The following RAB4B variants were observed in gnomAD, a reference collection of about 807,000 sequenced individuals.
The protein encoded by RAB4B is RAB4B, member RAS oncogene family.
A neutral mutation model predicts 28.3 loss-of-function variants in RAB4B; 15 were observed. That is an observed-to-expected ratio of 0.53 (90% CI 0.35 to 0.82). The LOEUF (loss-of-function observed/expected upper bound fraction) is 0.82, where lower values mean the gene tolerates loss of function less well. Among genes scored for constraint, RAB4B ranks in the 40% least tolerant of loss-of-function variants. The pLI, the probability that RAB4B is intolerant of heterozygous loss-of-function variation, is 0.01. For missense variants in RAB4B, 244 were observed against 288.5 expected (o/e 0.85, Z 1.12); for synonymous variants, 108 against 116.3 (o/e 0.93, Z 0.46).
At position 40,783,961 on chromosome 19, in the gene RAB4B, G is replaced by GC; in HGVS notation, c.319dup (p.Arg107ProfsTer22). On this transcript the variant is annotated frameshift_variant, in exon 5 of 8. Transcript: ENST00000357052. LOFTEE classifies it high-confidence loss of function. ...CTCACTGGCTGCCTGGCTGACGGAT[G>GC]CCCGCACCCTGGCCAGCCCCAACAT... is the stretch of plus-strand genomic sequence containing the variant. The GC allele has an allele frequency of 6.2e-7, 1 of 1,613,716 alleles. No homozygotes were observed.
chr19:40,786,416 T>C, intron 5 of RAB4B: 2 of 484,220 alleles, frequency 4.1e-6, no homozygotes, highest in Non-Finnish European at 7.4e-6. Context: ...AGTCGGTACC[T>C]GACTCAGCCC....
In RAB4B at chr19:40,788,154, C is replaced by T. The variant is rs547151948; in HGVS notation, c.*15+1176C>T. Among the ~76,000 whole-genome samples the T allele has an allele frequency of 3.3e-5, 5 of 151,948 alleles. No homozygotes were observed. In the East Asian group the frequency reaches 9.7e-4, roughly 29 times the overall value. On this transcript the variant is annotated intron_variant, in intron 7 of 7. Coordinates refer to ENST00000357052, the MANE Select transcript of RAB4B (RefSeq NM_016154.5). ...TATGGCAGGGAGTACAACAGACTCC[C>T]ATCCTCATGGTGCTGACATTCTCTT...
At chr19:40,785,596 A>G (rs1281663190) in intron 5 of RAB4B, 1 of 152,208 alleles carries the variant, frequency 6.6e-6, no homozygotes, top group African/African-American at 2.4e-5. Context: ...GTGGCTTGAG[A>G]TCTGCCTGTG....
At chr19:40,780,874 G>A (rs2083040093) in intron 3 of RAB4B, among the ~76,000 whole-genome samples, 1 of 151,844 alleles carries the variant, frequency 6.6e-6, no homozygotes. Flanking sequence ...AAGGGATGGA[G>A]ACTGAGAGAC....
At chr19:40,793,867 T>C (rs1035732910) in intron 7 of RAB4B, among the ~76,000 whole-genome samples, 3 of 151,708 alleles carry the variant, frequency 2.0e-5, no homozygotes, top group Non-Finnish European at 4.4e-5. Flanking sequence ...GAGGTTTTAG[T>C]GAGCCGAGAT....
chr19:40,788,753 AT>A (rs1212640840), intron 7 of RAB4B, among the ~76,000 whole-genome samples: 3 of 135,394 alleles, frequency 2.2e-5, no homozygotes, highest in East Asian at 4.2e-4. Context: ...TGCCTGGCTA[AT>A]TTTTTTTAAT....
At chr19:40,790,313 T>C (rs150332613) in intron 7 of RAB4B, among the ~76,000 whole-genome samples, 3 of 150,438 alleles carry the variant, frequency 2.0e-5, no homozygotes, top group Non-Finnish European at 4.4e-5. Context: ...ATAGGGTTCA[T>C]GTCCTCCCTA....
rs576567432 is a variant in RAB4B at position 40,780,562 on chromosome 19, G to A, written c.212+63G>A. The stretch of plus-strand genomic sequence containing the variant: ...GAGTGAGAAGGAAAGAGAGAGATGT[G>A]TGTGTAGAGTCACTTGGAGACACTG... On this transcript the variant is annotated intron_variant, in intron 3 of 7. Transcript: ENST00000357052. 32 of 1,391,284 alleles carry A rather than the reference G, an allele frequency of 2.3e-5. No individual in the cohort carries two copies. In the East Asian group the frequency reaches 7.7e-4, roughly 34 times the overall value. 86.2% of individuals were successfully genotyped at this position (1,391,284 alleles called of 1,614,324 possible).
intron 7 of RAB4B, among the ~76,000 whole-genome samples, chr19:40,789,048 G>T (rs1335169322): frequency 6.6e-6 from 1 of 151,738 alleles, no homozygotes; most frequent in East Asian, 1.9e-4. Context: ...TCAAAGTGCC[G>T]GGATTACAGT....
intron 5 of RAB4B, chr19:40,786,113 C>T (rs1318494395): frequency 6.2e-5 from 10 of 161,920 alleles, no homozygotes; most frequent in Non-Finnish European, 1.3e-4. Context: ...GGATGGGGGG[C>T]CCAGGTAGAG....
chr19:40,795,680 C>T (rs929024971), intron 7 of RAB4B, among the ~76,000 whole-genome samples: 2 of 151,656 alleles, frequency 1.3e-5, no homozygotes, highest in Admixed American at 6.6e-5. Flanking sequence ...CAGGCGTGAG[C>T]CACCGTGCCT....
rs1008505063 is a variant in RAB4B at position 40,786,587 on chromosome 19, A to C, written c.431-78A>C. The C allele has an allele frequency of 7.6e-6, 12 of 1,587,434 alleles. No individual in the cohort carries two copies. In the African/African-American group the frequency reaches 1.6e-4, roughly 21 times the overall value. On this transcript the variant is annotated intron_variant, in intron 5 of 7. Transcript: ENST00000357052. ...GGGGATGGAACATTGGAGGAACAGG[A>C]TGAGAGTCAGCAGGTGAGAGCTCAG...
chr19:40,780,214 G>A, intron 2 of RAB4B, 115 bp downstream of exon 2: 1 of 1,504,868 alleles, frequency 6.6e-7, no homozygotes, highest in African/African-American at 1.4e-5. Context: ...TCCAGTGCTG[G>A]CTTTTTGGTC....
At chr19:40,787,635 G>C (rs927660640) in intron 7 of RAB4B, among the ~76,000 whole-genome samples, 1 of 151,540 alleles carries the variant, frequency 6.6e-6, no homozygotes, top group African/African-American at 2.4e-5. Context: ...CAGGGCCAGG[G>C]TCAGGGCACA....
intron 5 of RAB4B, among the ~76,000 whole-genome samples, chr19:40,785,363 A>AG: frequency 6.8e-6 from 1 of 147,994 alleles, no homozygotes; most frequent in African/African-American, 2.5e-5. Flanking sequence ...AAAAAAAAAA[A>AG]GCCTGGGTGT....
chr19:40,784,067 A>G lies in RAB4B; in HGVS notation c.422A>G (p.Gln141Arg). 6.2e-7 allele frequency: 1 copy of G among 1,611,190 alleles called. No homozygotes were observed. The highest frequency in any genetic ancestry group is 8.5e-7 in the Non-Finnish European group (1 of 1,177,890). The change falls in exon 5 of 8, where the codon CAG (glutamine) becomes CGG (arginine). Residue 141 changes from glutamine to arginine, a missense_variant. Coordinates refer to ENST00000357052, the MANE Select transcript of RAB4B (RefSeq NM_016154.5). Reference sequence around the variant, plus strand: ...TTCCTGGAGGCCTCCCGCTTTGCCCAGGAGAATGGTGAGGGCTGTGTCGTG... The same window carrying G: ...TTCCTGGAGGCCTCCCGCTTTGCCCGGGAGAATGGTGAGGGCTGTGTCGTG... ...VTFLEASRFAQENELMFLETS... is the reference protein window; with the variant it reads ...VTFLEASRFARENELMFLETS...
intron 3 of RAB4B, among the ~76,000 whole-genome samples, chr19:40,783,498 T>A (rs1299450064): frequency 6.6e-6 from 1 of 151,284 alleles, no homozygotes; most frequent in Non-Finnish European, 1.5e-5. Flanking sequence ...AACAGACGAA[T>A]GGAAAGATAG....
At chr19:40,785,470 C>T (rs1238524398) in intron 5 of RAB4B, 2 of 152,000 alleles carry the variant, frequency 1.3e-5, no homozygotes, top group African/African-American at 4.8e-5. Flanking sequence ...GCAATCACAC[C>T]ACTGCACTCC....
At chr19:40,791,125 G>GA (rs2083155345) in intron 7 of RAB4B, among the ~76,000 whole-genome samples, 1 of 152,178 alleles carries the variant, frequency 6.6e-6, no homozygotes, top group South Asian at 2.1e-4. Flanking sequence ...AAAGTGCTGG[G>GA]ATGACAGGCG....
Sources: allele counts gnomAD v4.1 joint callset (sites outside exome capture counted in the v4.1 genomes callset), GRCh38; gene constraint gnomAD v4.1.1; transcripts MANE v1.5; gene names NCBI Gene and HGNC (gene_info 2026-07-23, HGNC 2026-07-21).